The following CTNNA3 variants were observed in gnomAD, a reference collection of about 807,000 sequenced individuals.
CTNNA3 encodes catenin alpha 3, also known as catenin alpha-3.
CTNNA3 carries 76 observed loss-of-function variants against 95.7 expected under a neutral mutation model. The ratio of observed to expected loss-of-function variants is 0.79; its 90% CI spans 0.66 to 0.96. The LOEUF is 0.96. Among genes scored for constraint, CTNNA3 ranks in the 40% least tolerant of loss-of-function variants. The probability of loss-of-function intolerance (pLI) is 0.00; values close to 1 mark genes in which losing one functional copy is unlikely to be tolerated. For synonymous variants in CTNNA3, 431 were observed against 374.4 expected (o/e 1.15, Z -1.74); for missense variants, 1,191 against 1,089.8 (o/e 1.09, Z -1.31).
intron 14 of CTNNA3, among the ~76,000 whole-genome samples, chr10:66,090,823 T>C (rs2081185652): frequency 6.6e-6 from 1 of 151,996 alleles, no homozygotes; most frequent in Non-Finnish European, 1.5e-5. Flanking sequence ...CTATATAGCC[T>C]AAACAACTTA....
chr10:67,253,777 G>A (rs966588005), intron 5 of CTNNA3, among the ~76,000 whole-genome samples: 2 of 152,172 alleles, frequency 1.3e-5, no homozygotes, highest in African/African-American at 4.8e-5. Flanking sequence ...GATGAACCAT[G>A]ACTGGCAGAA....
At chr10:67,587,093 C>T (rs1398170927) in intron 3 of CTNNA3, among the ~76,000 whole-genome samples, 1 of 152,042 alleles carries the variant, frequency 6.6e-6, no homozygotes, top group African/African-American at 2.4e-5. Context: ...GGCCTGATCA[C>T]AACTCACTAC....
intron 6 of CTNNA3, among the ~76,000 whole-genome samples, chr10:67,182,429 C>A (rs372056286): frequency 6.6e-6 from 1 of 152,050 alleles, no homozygotes; most frequent in Non-Finnish European, 1.5e-5. Context: ...GAAAAACAAG[C>A]AATGGGGAAA....
chr10:66,825,973 T>C (rs1025140591), intron 7 of CTNNA3, among the ~76,000 whole-genome samples: 16 of 152,338 alleles, frequency 1.1e-4, no homozygotes, highest in African/African-American at 3.8e-4. Flanking sequence ...AACATGTATA[T>C]ATAAAATTGC....
At chr10:66,525,722 A>G (rs1410510579) in intron 10 of CTNNA3, among the ~76,000 whole-genome samples, 1 of 152,154 alleles carries the variant, frequency 6.6e-6, no homozygotes, top group African/African-American at 2.4e-5. Context: ...CATTAAGTAC[A>G]TTCACATAGC....
intron 5 of CTNNA3, among the ~76,000 whole-genome samples, chr10:67,422,281 T>A (rs1458173281): frequency 6.6e-6 from 1 of 152,156 alleles, no homozygotes; most frequent in Non-Finnish European, 1.5e-5. Context: ...TTCAACACAG[T>A]GTCCTTGTTC....
At chr10:67,130,670 A>C (rs938877140) in intron 7 of CTNNA3, among the ~76,000 whole-genome samples, 5 of 152,134 alleles carry the variant, frequency 3.3e-5, no homozygotes, top group Non-Finnish European at 7.4e-5. Flanking sequence ...TTCTAAATTA[A>C]TACATTTTAG....
At chr10:66,865,617 T>C (rs9414945) in intron 7 of CTNNA3, among the ~76,000 whole-genome samples, 28,901 of 152,092 alleles carry the variant, frequency 0.19, 3,081 homozygotes, top group East Asian at 0.33. Context: ...TATGCAATTA[T>C]ATTATATAAA....
At chr10:66,790,197 C>A (rs772408486) in intron 7 of CTNNA3, among the ~76,000 whole-genome samples, 26 of 152,232 alleles carry the variant, frequency 1.7e-4, no homozygotes, top group South Asian at 4.1e-4. Flanking sequence ...GATTGTAATG[C>A]CAGCACTTTG....
chr10:67,310,798 T>C (rs1331576518), intron 5 of CTNNA3, among the ~76,000 whole-genome samples: 1 of 152,122 alleles, frequency 6.6e-6, no homozygotes, highest in Non-Finnish European at 1.5e-5. Context: ...CATGATTCAA[T>C]ACCTCCCACC....
At chr10:67,229,437 T>G (rs779908295) in intron 5 of CTNNA3, among the ~76,000 whole-genome samples, 1 of 152,094 alleles carries the variant, frequency 6.6e-6, no homozygotes, top group Non-Finnish European at 1.5e-5. Context: ...TCACCACTCC[T>G]CTGCAACATA....
chr10:66,766,448 T>C (rs1450064830), intron 8 of CTNNA3, 32 bp from the exon 9 acceptor site: 3 of 1,575,684 alleles, frequency 1.9e-6, no homozygotes, highest in Non-Finnish European at 2.6e-6. Context: ...AGGTTTTTTT[T>C]TTCCAGGAAA....
chr10:66,709,871 C>T (rs572454164), intron 9 of CTNNA3, among the ~76,000 whole-genome samples: 2 of 152,068 alleles, frequency 1.3e-5, no homozygotes, highest in South Asian at 4.2e-4. Context: ...AAATCAGAAC[C>T]CTAATGTGTA....
intron 11 of CTNNA3, among the ~76,000 whole-genome samples, chr10:66,415,222 C>G (rs1303309405): frequency 1.3e-5 from 2 of 152,092 alleles, no homozygotes; most frequent in Non-Finnish European, 2.9e-5. Context: ...CCCATCATCC[C>G]CATGCCACAG....
intron 5 of CTNNA3, among the ~76,000 whole-genome samples, chr10:67,299,546 G>T (rs1564546138): frequency 6.6e-6 from 1 of 152,106 alleles, no homozygotes; most frequent in Admixed American, 6.5e-5. Context: ...CCTGGTAGAA[G>T]GCTGTAGGAT....
chr10:67,071,435 ACATTT>A (rs1856454308), intron 7 of CTNNA3, among the ~76,000 whole-genome samples: 1 of 150,966 alleles, frequency 6.6e-6, no homozygotes, highest in Non-Finnish European at 1.5e-5. Context: ...TCTCAACACT[ACATTT>A]CATTTATCTT....
At chr10:66,693,033 G>A (rs1424469042) in intron 9 of CTNNA3, among the ~76,000 whole-genome samples, 1 of 152,106 alleles carries the variant, frequency 6.6e-6, no homozygotes, top group African/African-American at 2.4e-5. Flanking sequence ...CACCATCGAG[G>A]CTAGGAAGAA....
chr10:66,198,082 T>C (rs945445131), intron 13 of CTNNA3, among the ~76,000 whole-genome samples: 2 of 152,186 alleles, frequency 1.3e-5, no homozygotes, highest in Non-Finnish European at 2.9e-5. Flanking sequence ...CTTCTGAGGA[T>C]TGAGAAAGCA....
intron 5 of CTNNA3, among the ~76,000 whole-genome samples, chr10:67,328,662 C>T (rs1457480572): frequency 5.9e-5 from 9 of 152,136 alleles, no homozygotes; most frequent in African/African-American, 2.2e-4. Context: ...ATACTGTAGC[C>T]CCATGTAGCG....
Sources: gnomAD v4.1 joint callset for allele counts (sites outside exome capture counted in the v4.1 genomes callset) on GRCh38, gnomAD v4.1.1 for gene constraint, MANE v1.5 for transcripts, NCBI Gene and HGNC (gene_info 2026-07-23, HGNC 2026-07-21) for gene names.